MATN2: variants seen among roughly 807,000 people sequenced by gnomAD.
The protein encoded by MATN2 is matrilin-2.
Under a neutral mutation model 103.2 loss-of-function variants are expected in MATN2, and 69 were observed. The observed-to-expected ratio is 0.67, with a 90% CI of 0.55 to 0.82. The LOEUF is 0.82. MATN2 is among the 40% of genes least tolerant of loss of function. The pLI is 0.00. For missense variants in MATN2, 1,023 were observed against 1,211.5 expected, an observed-to-expected ratio of 0.84 and a Z score of 2.31; for synonymous variants, 429 against 450.2, an observed-to-expected ratio of 0.95 and a Z score of 0.60.
intron 5 of MATN2, among the ~76,000 whole-genome samples, chr8:97,965,716 C>T (rs886718710): frequency 5.9e-5 from 9 of 152,086 alleles, no homozygotes; most frequent in Admixed American, 4.6e-4. Flanking sequence ...TGTGGTGGCT[C>T]ATGCCTGTAA....
intron 10 of MATN2, among the ~76,000 whole-genome samples, chr8:98,015,449 C>T (rs2444898): frequency 0.12 from 17,654 of 152,250 alleles, 1,068 homozygotes; most frequent in East Asian, 0.19. Flanking sequence ...GCCAGGCTCC[C>T]GGATGCTCCA....
At chr8:97,920,010 T>A (rs1388575424) in intron 2 of MATN2, among the ~76,000 whole-genome samples, 1 of 151,996 alleles carries the variant, frequency 6.6e-6, no homozygotes, top group Non-Finnish European at 1.5e-5. Context: ...GTGTAGGGAC[T>A]ACAGACAGGC....
intron 3 of MATN2, among the ~76,000 whole-genome samples, chr8:97,934,606 C>T (rs1360721235): frequency 6.6e-6 from 1 of 152,162 alleles, no homozygotes; most frequent in Non-Finnish European, 1.5e-5. Context: ...TAAGGACATG[C>T]CTGGAGAAAA....
rs200127206 is a variant in MATN2 at position 97,886,727 on chromosome 8, G to GT, written c.-26-1339dup. Among the ~76,000 whole-genome samples the GT allele has an allele frequency of 6.5e-4, 99 of 151,238 alleles. No individual in the cohort carries two copies. The South Asian group carries it at 0.019, about 28-fold the overall frequency. ...ACAAACAGTTCGCTGAAATAGTGAG[G>GT]TTTTTTTTTAAGTTTTGAAACATGG... On this transcript the variant is annotated intron_variant, in intron 1 of 18. Transcript: ENST00000254898.
At chr8:97,911,960 C>G (rs1321202326) in intron 2 of MATN2, among the ~76,000 whole-genome samples, 1 of 152,308 alleles carries the variant, frequency 6.6e-6, no homozygotes, top group South Asian at 2.1e-4. Flanking sequence ...CATGACAACC[C>G]TATGAGGCAG....
At chr8:97,948,198 A>G (rs932625753) in intron 4 of MATN2, among the ~76,000 whole-genome samples, 1 of 152,184 alleles carries the variant, frequency 6.6e-6, no homozygotes, top group Non-Finnish European at 1.5e-5. Context: ...TGAAATAAGA[A>G]GACAGAACGT....
At chr8:97,900,440 G>A (rs1818941110) in intron 2 of MATN2, among the ~76,000 whole-genome samples, 1 of 152,204 alleles carries the variant, frequency 6.6e-6, no homozygotes, top group South Asian at 2.1e-4. Flanking sequence ...TGCGCCATGA[G>A]AAGTCCCATG....
chr8:97,959,649 A>C (rs534428262), intron 4 of MATN2, among the ~76,000 whole-genome samples: 1 of 152,270 alleles, frequency 6.6e-6, no homozygotes, highest in South Asian at 2.1e-4. Flanking sequence ...TTTGGGAGTG[A>C]AACTTCTTTT....
intron 11 of MATN2, 25 bp downstream of exon 11, chr8:98,016,687 C>A (rs745412022): frequency 2.9e-5 from 47 of 1,605,076 alleles, no homozygotes; most frequent in Non-Finnish European, 3.7e-5. Context: ...GAGCTGGCTC[C>A]TACTACTATG....
In MATN2 at chr8:97,973,562, T is replaced by C. The variant is rs886295388; in HGVS notation, c.959-5324T>C. ...TTAAGTTGAAGAAAAAAGTATGATA[T>C]TTACAAATCTTTTTTTTTTTTTTTT... is the stretch of plus-strand genomic sequence containing the variant. On this transcript the variant is annotated intron_variant, in intron 5 of 18. Transcript: ENST00000254898. Among the ~76,000 whole-genome samples, 65 of 138,792 alleles carry C rather than the reference T, an allele frequency of 4.7e-4. 1 individual carries two copies. Among genetic ancestry groups the C allele is most frequent in the Non-Finnish European group, 6.8e-4 (45 of 66,334 alleles). The allele number at this position is 138,792 out of a possible 152,430, so 91.1% of individuals were successfully genotyped here.
intron 18 of MATN2, among the ~76,000 whole-genome samples, chr8:98,033,951 C>A (rs186063458): frequency 1.3e-5 from 2 of 152,100 alleles, no homozygotes; most frequent in Admixed American, 1.3e-4. Flanking sequence ...GAGACACTGG[C>A]CTAACTCCGT....
intron 3 of MATN2, among the ~76,000 whole-genome samples, chr8:97,939,043 T>A (rs1269289141): frequency 1.3e-5 from 2 of 151,672 alleles, no homozygotes; most frequent in East Asian, 3.9e-4. Context: ...CTACTTTTTG[T>A]ATTTTTTTTT....
intron 2 of MATN2, among the ~76,000 whole-genome samples, chr8:97,903,114 G>A (rs1222437500): frequency 6.6e-6 from 1 of 152,202 alleles, no homozygotes; most frequent in East Asian, 1.9e-4. Context: ...ATGCCAGCAA[G>A]CTTGCTGTCC....
At chr8:97,953,366 T>C (rs1486694031) in intron 4 of MATN2, among the ~76,000 whole-genome samples, 2 of 152,198 alleles carry the variant, frequency 1.3e-5, no homozygotes, top group Non-Finnish European at 2.9e-5. Context: ...GATGCTAACA[T>C]TTGTTGAATA....
At chr8:97,974,871 C>T (rs965997112) in intron 5 of MATN2, among the ~76,000 whole-genome samples, 1 of 152,202 alleles carries the variant, frequency 6.6e-6, no homozygotes, top group African/African-American at 2.4e-5. Flanking sequence ...CTCAGAATCA[C>T]CTGGAGGGCT....
chr8:97,914,868 T>G (rs1809569454), intron 2 of MATN2, among the ~76,000 whole-genome samples: 1 of 152,254 alleles, frequency 6.6e-6, no homozygotes, highest in Non-Finnish European at 1.5e-5. Flanking sequence ...CCTGCTCACC[T>G]TATAATAACA....
intron 7 of MATN2, among the ~76,000 whole-genome samples, chr8:97,999,263 CCTTTTGA>C (rs1438361687): frequency 6.6e-6 from 1 of 152,164 alleles, no homozygotes; most frequent in Admixed American, 6.5e-5. Context: ...GTTGCTTCCA[CCTTTTGA>C]CTTTTATTTA....
intron 15 of MATN2, 58 bp from the exon 16 acceptor site, chr8:98,032,188 G>A: frequency 1.4e-6 from 2 of 1,414,868 alleles, no homozygotes; most frequent in African/African-American, 1.4e-5. Flanking sequence ...GCTTCCTGAA[G>A]AACACACACA....
chr8:98,014,573 T>G (rs967374676), intron 10 of MATN2, among the ~76,000 whole-genome samples: 10 of 152,206 alleles, frequency 6.6e-5, no homozygotes, highest in African/African-American at 1.9e-4. Flanking sequence ...CCCAAAGAAA[T>G]TCCCTTCACA....
Sources: gnomAD v4.1 joint callset for allele counts (sites outside exome capture counted in the v4.1 genomes callset) on GRCh38, gnomAD v4.1.1 for gene constraint, MANE v1.5 for transcripts, NCBI Gene and HGNC (gene_info 2026-07-23, HGNC 2026-07-21) for gene names.